The following ERICH1 variants were observed in gnomAD, a reference collection of about 807,000 sequenced individuals.
The protein encoded by ERICH1 is glutamate-rich protein 1.
In ERICH1, 56 loss-of-function variants were observed where a neutral mutation model predicts 39.6. That is an observed-to-expected ratio of 1.41 (90% CI 1.14 to 1.77). The LOEUF (loss-of-function observed/expected upper bound fraction) is 1.77, where lower values mean the gene tolerates loss of function less well. Among genes scored for constraint, ERICH1 ranks in the 40% most tolerant of loss-of-function variants. The pLI is 0.00. For synonymous variants in ERICH1, 313 were observed against 223.6 expected, an observed-to-expected ratio of 1.40 and a Z score of -3.57; for missense variants, 826 against 575.4, an observed-to-expected ratio of 1.44 and a Z score of -4.45.
intron 2 of ERICH1, among the ~76,000 whole-genome samples, chr8:704,040 A>C (rs1248700994): frequency 1.3e-5 from 2 of 152,178 alleles, no homozygotes; most frequent in Non-Finnish European, 2.9e-5. Context: ...GGAATCGAGA[A>C]TGATGGCAAC....
In ERICH1 at chr8:664,420, T is replaced by C. The variant is rs1170584306; in HGVS notation, c.*183A>G. 4 of 1,248,906 alleles carry C rather than the reference T, an allele frequency of 3.2e-6. No homozygotes were observed. The highest frequency in any genetic ancestry group is 3.8e-5 in the Admixed American group (1 of 26,034). 77.4% of individuals were successfully genotyped at this position (1,248,906 alleles called of 1,614,324 possible). On this transcript the variant is annotated 3_prime_UTR_variant, in exon 6 of 6. Coordinates refer to ENST00000262109, the MANE Select transcript of ERICH1 (RefSeq NM_207332.3). ...ATTGCAAATAAGTGAAAAATTTCCA[T>C]TTTACCCCAATTTCTCATCTGAAGC...
intron 3 of ERICH1, among the ~76,000 whole-genome samples, chr8:636,153 G>A (rs1224004464): frequency 2.0e-5 from 3 of 152,214 alleles, no homozygotes; most frequent in African/African-American, 7.2e-5. Context: ...TAAGGCGGCT[G>A]AATCCCTGCG....
chr8:646,416 CT>C (rs1799484511), intron 3 of ERICH1, among the ~76,000 whole-genome samples: 1 of 68,784 alleles, frequency 1.5e-5, no homozygotes, highest in African/African-American at 3.7e-5. Context: ...CTAGAAAAAT[CT>C]TTAGCTCTCA....
chr8:729,454 G>A (rs779456282), intron 1 of ERICH1, among the ~76,000 whole-genome samples: 2 of 152,218 alleles, frequency 1.3e-5, no homozygotes, highest in African/African-American at 4.8e-5. Flanking sequence ...ATGCTCTGAA[G>A]AAGACACACA....
intron 1 of ERICH1, among the ~76,000 whole-genome samples, chr8:718,518 T>C (rs1308919622): frequency 6.6e-6 from 1 of 152,210 alleles, no homozygotes; most frequent in Non-Finnish European, 1.5e-5. Context: ...AGGTGTACAG[T>C]ACATTTCGAA....
At chr8:703,808 G>A (rs1474929273) in intron 2 of ERICH1, among the ~76,000 whole-genome samples, 3 of 152,340 alleles carry the variant, frequency 2.0e-5, no homozygotes, top group East Asian at 3.9e-4. Context: ...TCTATTGGGA[G>A]ACTCAATGTC....
At chr8:671,481 G>C (rs76302396) in intron 4 of ERICH1, among the ~76,000 whole-genome samples, 49 of 81,210 alleles carry the variant, frequency 6.0e-4, no homozygotes, top group Admixed American at 1.1e-3. Flanking sequence ...ACCTCTGAAC[G>C]TGCCAGCCCC....
chr8:628,763 C>T (rs1024933443), intron 3 of ERICH1, among the ~76,000 whole-genome samples: 1 of 152,192 alleles, frequency 6.6e-6, no homozygotes, highest in African/African-American at 2.4e-5. Flanking sequence ...AAGCTGCAGC[C>T]CTGGGGTGAA....
At chr8:636,338 G>A (rs557281062) in intron 3 of ERICH1, among the ~76,000 whole-genome samples, 1 of 152,236 alleles carries the variant, frequency 6.6e-6, no homozygotes, top group Admixed American at 6.5e-5. Context: ...CAAGGCCTCG[G>A]ATGTGTGGAA....
intron 1 of ERICH1, among the ~76,000 whole-genome samples, chr8:729,810 A>G (rs1011484893): frequency 7.3e-6 from 1 of 137,272 alleles, no homozygotes; most frequent in African/African-American, 2.7e-5. Flanking sequence ...GTGAATGGAG[A>G]AAGGTTTTTT....
At chr8:616,660 C>G (rs35578938) in intron 3 of ERICH1, 28 of 441,576 alleles carry the variant, frequency 6.3e-5, no homozygotes, top group Admixed American at 7.3e-5. Flanking sequence ...GACGGGGGCG[C>G]GGGGGACAGA....
chr8:625,365 G>A (rs896087502), intron 3 of ERICH1, among the ~76,000 whole-genome samples: 4 of 152,144 alleles, frequency 2.6e-5, no homozygotes, highest in South Asian at 2.1e-4. Flanking sequence ...TAAAGAAGCC[G>A]GACAAAGGAG....
intron 3 of ERICH1, among the ~76,000 whole-genome samples, chr8:646,309 G>A (rs1355861463): frequency 1.5e-5 from 1 of 66,946 alleles, no homozygotes; most frequent in African/African-American, 3.8e-5. Flanking sequence ...AGGAGAAAAA[G>A]GAATATTTTT....
chr8:633,995 G>A (rs561688011), intron 3 of ERICH1, among the ~76,000 whole-genome samples: 3 of 152,258 alleles, frequency 2.0e-5, no homozygotes, highest in East Asian at 1.9e-4. Flanking sequence ...TGACACCAAA[G>A]GCCCAGGCGA....
intron 3 of ERICH1, among the ~76,000 whole-genome samples, chr8:642,054 G>T (rs912952137): frequency 1.3e-5 from 2 of 152,226 alleles, no homozygotes; most frequent in African/African-American, 2.4e-5. Flanking sequence ...GCCCTTGCAG[G>T]TTCCTGACTC....
chr8:685,135 C>T (rs1421201962), intron 3 of ERICH1, among the ~76,000 whole-genome samples: 1 of 152,184 alleles, frequency 6.6e-6, no homozygotes, highest in Non-Finnish European at 1.5e-5. Context: ...GCAGACACCC[C>T]CAGAGCGGCC....
downstream of ERICH1, among the ~76,000 whole-genome samples, chr8:660,454 G>A (rs955922997): frequency 2.0e-5 from 3 of 152,176 alleles, no homozygotes; most frequent in Admixed American, 6.5e-5. Context: ...GTGTGGCAGC[G>A]GCCACAGCAT....
chr8:724,024 G>A (rs772738327), intron 1 of ERICH1, among the ~76,000 whole-genome samples: 3 of 152,168 alleles, frequency 2.0e-5, no homozygotes, highest in Non-Finnish European at 2.9e-5. Context: ...TTAAGCAGAA[G>A]TGGGCAAGCT....
chr8:698,028 A>AT (rs1189038505), intron 2 of ERICH1, among the ~76,000 whole-genome samples: 1 of 152,110 alleles, frequency 6.6e-6, no homozygotes, highest in African/African-American at 2.4e-5. Context: ...TACCTGTGAC[A>AT]TGGAGCCCTC....
Sources: allele counts gnomAD v4.1 joint callset (sites outside exome capture counted in the v4.1 genomes callset), GRCh38; gene constraint gnomAD v4.1.1; transcripts MANE v1.5; gene names NCBI Gene and HGNC (gene_info 2026-07-23, HGNC 2026-07-21).